The following MAGI1 variants were observed in gnomAD, a reference collection of about 807,000 sequenced individuals.
MAGI1 encodes the protein membrane associated guanylate kinase, WW and PDZ domain containing 1.
In MAGI1, 58 loss-of-function variants were observed where a neutral mutation model predicts 139.9. The observed-to-expected ratio is 0.41, with a 90% confidence interval of 0.34 to 0.52. MAGI1 has a LOEUF of 0.52. Ranked by LOEUF, MAGI1 falls within the 20% of genes least tolerant of loss-of-function variation. The probability of loss-of-function intolerance (pLI) is 0.12; values close to 1 mark genes in which losing one functional copy is unlikely to be tolerated. For missense variants in MAGI1, 1,874 were observed against 1,901.6 expected, an observed-to-expected ratio of 0.99 and a Z score of 0.27; for synonymous variants, 812 against 737.9, an observed-to-expected ratio of 1.10 and a Z score of -1.63.
chr3:65,818,639 G>A (rs528406669), intron 1 of MAGI1, among the ~76,000 whole-genome samples: 39 of 152,144 alleles, frequency 2.6e-4, no homozygotes, highest in Non-Finnish European at 5.0e-4. Context: ...GGAACCCAAC[G>A]TTTAATAACT....
chr3:66,004,712 A>G (rs2066923269), intron 1 of MAGI1, among the ~76,000 whole-genome samples: 1 of 152,220 alleles, frequency 6.6e-6, no homozygotes, highest in South Asian at 2.1e-4. Flanking sequence ...GCAATCTGCC[A>G]TTGCAGACAA....
intron 1 of MAGI1, among the ~76,000 whole-genome samples, chr3:65,781,860 T>A (rs1348222119): frequency 1.3e-5 from 2 of 151,836 alleles, no homozygotes; most frequent in Non-Finnish European, 2.9e-5. Context: ...TTTCCTGAAG[T>A]CAGTCAGTGG....
intron 1 of MAGI1, among the ~76,000 whole-genome samples, chr3:65,830,974 C>A (rs1268101231): frequency 6.6e-6 from 1 of 152,064 alleles, no homozygotes; most frequent in Non-Finnish European, 1.5e-5. Flanking sequence ...TTAGACTCTG[C>A]CAGTAATCAG....
chr3:65,868,291 A>G (rs1280918645), intron 1 of MAGI1, among the ~76,000 whole-genome samples: 3 of 152,232 alleles, frequency 2.0e-5, no homozygotes, highest in East Asian at 3.8e-4. Flanking sequence ...AACATGTGTG[A>G]GACCCCAAAC....
At chr3:65,390,890 C>T (rs547002104) in intron 14 of MAGI1, among the ~76,000 whole-genome samples, 101 of 152,212 alleles carry the variant, frequency 6.6e-4, no homozygotes, top group African/African-American at 2.1e-3. Context: ...ACTGAAGGGA[C>T]GAAAAAACCC....
chr3:65,947,026 C>A (rs1372028762), intron 1 of MAGI1, among the ~76,000 whole-genome samples: 1 of 152,104 alleles, frequency 6.6e-6, no homozygotes. Flanking sequence ...AGCTAAATGT[C>A]AAGGCAAATT....
chr3:65,747,578 A>C (rs1225354810), intron 1 of MAGI1, among the ~76,000 whole-genome samples: 1 of 152,210 alleles, frequency 6.6e-6, no homozygotes, highest in Non-Finnish European at 1.5e-5. Flanking sequence ...GTAAATATGC[A>C]GGGAATAAAA....
intron 1 of MAGI1, among the ~76,000 whole-genome samples, chr3:66,021,232 G>A (rs1198487549): frequency 6.6e-6 from 1 of 152,180 alleles, no homozygotes; most frequent in East Asian, 1.9e-4. Context: ...CATGTGGCTA[G>A]GGAATAAAAT....
intron 22 of MAGI1, chr3:65,360,138 T>A (rs1215449110): frequency 6.1e-6 from 6 of 985,162 alleles, no homozygotes; most frequent in Non-Finnish European, 7.2e-6. Flanking sequence ...GAGCTATCCT[T>A]CTCCTTGAGC....
chr3:65,710,853 C>T (rs2031291382), intron 1 of MAGI1, among the ~76,000 whole-genome samples: 1 of 152,182 alleles, frequency 6.6e-6, no homozygotes, highest in African/African-American at 2.4e-5. Context: ...TATATGCTTT[C>T]CCAATGCCCA....
chr3:65,626,226 A>G (rs924035182), intron 1 of MAGI1, among the ~76,000 whole-genome samples: 7 of 152,240 alleles, frequency 4.6e-5, no homozygotes, highest in Non-Finnish European at 5.9e-5. Flanking sequence ...AGATACAGTA[A>G]CTTTTTATCA....
intron 22 of MAGI1, chr3:65,359,613 T>C: frequency 1.0e-6 from 1 of 983,322 alleles, no homozygotes. Context: ...GTCAGAAAAA[T>C]ATTGGAACTT....
intron 1 of MAGI1, among the ~76,000 whole-genome samples, chr3:65,629,560 G>T (rs76753303): frequency 1.2e-5 from 1 of 82,698 alleles, no homozygotes; most frequent in Non-Finnish European, 2.1e-5. Flanking sequence ...TGCTATTACA[G>T]CAAAAAAAAA....
chr3:65,812,365 C>T (rs2041297693), intron 1 of MAGI1, among the ~76,000 whole-genome samples: 2 of 151,914 alleles, frequency 1.3e-5, no homozygotes, highest in Admixed American at 6.6e-5. Context: ...ATGATGGGGG[C>T]ACACACTGCT....
intron 2 of MAGI1, among the ~76,000 whole-genome samples, chr3:65,555,751 G>T (rs1036587335): frequency 9.2e-5 from 14 of 152,132 alleles, no homozygotes; most frequent in Admixed American, 7.9e-4. Context: ...CCAGCTACTT[G>T]TGAGGCTGAG....
chr3:65,381,754 G>A (rs765427430), intron 16 of MAGI1, 123 bp downstream of exon 16: 10 of 892,952 alleles, frequency 1.1e-5, no homozygotes, highest in Non-Finnish European at 1.7e-5. Flanking sequence ...TGGAAATTCT[G>A]AGCTTGATCA....
intron 7 of MAGI1, among the ~76,000 whole-genome samples, chr3:65,445,294 T>C (rs1948606542): frequency 6.6e-6 from 1 of 152,172 alleles, no homozygotes; most frequent in Non-Finnish European, 1.5e-5. Flanking sequence ...CAATGGTGGA[T>C]TAAACAAAGA....
chr3:65,459,554 G>A (rs560855820), intron 5 of MAGI1, among the ~76,000 whole-genome samples: 1 of 152,244 alleles, frequency 6.6e-6, no homozygotes, highest in South Asian at 2.1e-4. Flanking sequence ...CATATAATCT[G>A]CAAACAGGAG....
rs1940111056 is a variant in MAGI1 at position 65,354,370 on chromosome 3, A to ACAGCTACTC, written c.*1999_*2007dup. The ACAGCTACTC allele has an allele frequency of 6.5e-6, 1 of 152,690 alleles. No individual in the cohort carries two copies. Among genetic ancestry groups the ACAGCTACTC allele is most frequent in the South Asian group, 2.1e-4 (1 of 4,822 alleles). The allele number at this position is 152,690 out of a possible 1,614,324, so 9.5% of individuals were successfully genotyped here. Reference sequence around the variant, plus strand: ...TTGTTTTATAAATGTCCACACAACTACAGCTACTCATTCTAATGTTATGTA... The same window carrying ACAGCTACTC: ...TTGTTTTATAAATGTCCACACAACTACAGCTACTCCAGCTACTCATTCTAATGTTATGTA... On this transcript the variant is annotated 3_prime_UTR_variant, in exon 23 of 23. Transcript: ENST00000402939.
Sources: allele counts gnomAD v4.1 joint callset (sites outside exome capture counted in the v4.1 genomes callset), GRCh38; gene constraint gnomAD v4.1.1; transcripts MANE v1.5; gene names NCBI Gene and HGNC (gene_info 2026-07-23, HGNC 2026-07-21).